The following SYNE2 variants were observed in gnomAD, a reference collection of about 807,000 sequenced individuals.
SYNE2 encodes nesprin-2.
SYNE2 carries 431 observed loss-of-function variants against 856.3 expected under a neutral mutation model. That is an observed-to-expected ratio of 0.50 (90% confidence interval 0.47 to 0.55). The LOEUF is 0.55. Ranked by LOEUF, SYNE2 falls within the 20% of genes least tolerant of loss-of-function variation. The pLI is 0.00. For synonymous variants in SYNE2, 2,923 were observed against 2,872.3 expected (o/e 1.02, Z -0.56); for missense variants, 8,129 against 8,023.2 (o/e 1.01, Z -0.50).
At chr14:63,910,469 G>C (rs922293444) in intron 2 of SYNE2, among the ~76,000 whole-genome samples, 2 of 152,154 alleles carry the variant, frequency 1.3e-5, no homozygotes, top group African/African-American at 4.8e-5. Context: ...GGTTATACTT[G>C]AGGTAAGAAT....
Position 64,162,168 on chromosome 14 carries a change from T to TGCCGCAAGGCTGAAGCA in SYNE2, c.16194_16210dup (p.Gln5404ProfsTer4), listed in dbSNP as rs1433068027. 6.2e-7 allele frequency: 1 copy of TGCCGCAAGGCTGAAGCA among 1,614,120 alleles called. No homozygotes were observed. Among genetic ancestry groups the TGCCGCAAGGCTGAAGCA allele is most frequent in the Non-Finnish European group, 8.5e-7 (1 of 1,180,040 alleles). On this transcript the variant is annotated frameshift_variant, in exon 88 of 116. Transcript: ENST00000555002. LOFTEE classifies it high-confidence loss of function. ...CCTATAGCAATGCTCATGGTGAAGC[T>TGCCGCAAGGCTGAAGCA]GCCGCAAGGCTGAAGCAGCAGGAAG...
At chr14:64,225,255 A>C in intron 115 of SYNE2, 64 bp from the exon 116 acceptor site, 1 of 1,611,776 alleles carries the variant, frequency 6.2e-7, no homozygotes, top group African/African-American at 1.3e-5. Flanking sequence ...GCAGGGGCTT[A>C]GGTAATAGAG....
chr14:63,803,931 C>T (rs555141548), intron 1 of SYNE2, among the ~76,000 whole-genome samples: 1 of 152,316 alleles, frequency 6.6e-6, no homozygotes, highest in Admixed American at 6.5e-5. Flanking sequence ...TTCCTCCTTG[C>T]TGTTTTCATG....
At chr14:63,837,717 C>G (rs1333896681) in intron 1 of SYNE2, among the ~76,000 whole-genome samples, 2 of 151,876 alleles carry the variant, frequency 1.3e-5, no homozygotes, top group East Asian at 3.9e-4. Context: ...GAGTTTGAGA[C>G]CAGCCTGGGC....
intron 1 of SYNE2, among the ~76,000 whole-genome samples, chr14:63,815,023 T>TATATCCATATATACATCCACATATAC (rs1888860825): frequency 6.9e-6 from 1 of 145,210 alleles, no homozygotes; most frequent in Non-Finnish European, 1.5e-5. Context: ...TACATCCATA[T>TATATCCATATATACATCCACATATAC]ATATCCATAT....
chr14:63,763,444 T>A (rs1298287624), intron 1 of SYNE2, among the ~76,000 whole-genome samples: 1 of 152,054 alleles, frequency 6.6e-6, no homozygotes, highest in African/African-American at 2.4e-5. Flanking sequence ...GTTTGGTGGG[T>A]CAGGCTTGTA....
At chr14:63,843,442 G>A (rs1442418690) in intron 1 of SYNE2, among the ~76,000 whole-genome samples, 1 of 152,138 alleles carries the variant, frequency 6.6e-6, no homozygotes, top group East Asian at 1.9e-4. Context: ...AATATCAGTA[G>A]ATGTAATTAA....
rs1414775950 is a variant in SYNE2 at position 63,909,153 on chromosome 14, C to T, written c.5C>T (p.Ala2Val). ...TAATCTCCATTGAGTCAAAGAATGG[C>T]ATCTAGTCCTGAGCTTCCCACCGAA... MASSPELPTEDE... is the reference protein window; with the variant it reads MVSSPELPTEDE... Residue 2 changes from alanine to valine, a missense_variant, in exon 2 of 116, where the codon GCA (alanine) becomes GTA (valine). Coordinates refer to ENST00000555002, the MANE Select transcript of SYNE2 (RefSeq NM_182914.3). The T allele has an allele frequency of 6.2e-7, 1 of 1,609,048 alleles. No individual in the cohort carries two copies. Among genetic ancestry groups the T allele is most frequent in the Non-Finnish European group, 8.5e-7 (1 of 1,175,716 alleles).
intron 1 of SYNE2, among the ~76,000 whole-genome samples, chr14:63,810,884 G>T (rs1888590003): frequency 6.6e-6 from 1 of 152,088 alleles, no homozygotes; most frequent in Non-Finnish European, 1.5e-5. Flanking sequence ...GCCCATGCTG[G>T]AGTGCAGTGG....
At chr14:64,088,213 C>T (rs1470171197) in intron 58 of SYNE2, among the ~76,000 whole-genome samples, 1 of 152,118 alleles carries the variant, frequency 6.6e-6, no homozygotes, top group Non-Finnish European at 1.5e-5. Context: ...TAACCAAGCA[C>T]TATACAACTA....
intron 66 of SYNE2, 51 bp downstream of exon 66, chr14:64,113,622 C>A: frequency 6.6e-7 from 1 of 1,524,536 alleles, no homozygotes; most frequent in Non-Finnish European, 8.9e-7. Flanking sequence ...CAATCATCTG[C>A]CAAGATTGGG....
intron 52 of SYNE2, among the ~76,000 whole-genome samples, chr14:64,071,381 C>CT (rs2097406002): frequency 6.6e-6 from 1 of 151,942 alleles, no homozygotes; most frequent in Non-Finnish European, 1.5e-5. Flanking sequence ...GTAGTCCCAG[C>CT]TACTCGGGAG....
In SYNE2 at chr14:64,142,211, T is replaced by G. The variant is rs1411232290; in HGVS notation, c.15306+123T>G. 5.3e-6 allele frequency: 6 copies of G among 1,142,562 alleles called. No individual in the cohort carries two copies. The East Asian group carries it at 1.3e-4, about 24-fold the overall frequency. 70.8% of individuals were successfully genotyped at this position (1,142,562 alleles called of 1,614,324 possible). A position where few individuals can be genotyped will look rare whatever the true frequency, so the allele number is the denominator to read the frequency against. On this transcript the variant is annotated intron_variant, in intron 82 of 115. Transcript: ENST00000555002. ...AAAACTAATTCTAGGGGTAGGAAAC[T>G]GGGGTGGTGGATGATTCTGGAGAGA...
chr14:64,222,111 C>T (rs868405743), intron 112 of SYNE2, among the ~76,000 whole-genome samples: 2 of 152,270 alleles, frequency 1.3e-5, no homozygotes, highest in South Asian at 2.1e-4. Flanking sequence ...GGAGGAGAGT[C>T]GTGTCCTGGT....
chr14:63,770,841 T>A (rs1886872131), intron 1 of SYNE2, among the ~76,000 whole-genome samples: 1 of 151,940 alleles, frequency 6.6e-6, no homozygotes, highest in African/African-American at 2.4e-5. Flanking sequence ...AAAAAAAATT[T>A]TAAATTCATC....
Position 63,964,000 on chromosome 14 carries a change from TGTAA to T in SYNE2, c.990+4_990+7del. ...ATGATACCTACTTTAAAAAGTATAATGTAAGTATGATTTTAAACAGCTGTTTGTA... is the reference window on the plus strand; with the variant it reads ...ATGATACCTACTTTAAAAAGTATAATGTATGATTTTAAACAGCTGTTTGTA... On this transcript the variant is annotated splice_donor_variant and splice_donor_region_variant and intron_variant, in intron 10 of 115. Transcript: ENST00000555002. LOFTEE classifies it high-confidence loss of function. The T allele has an allele frequency of 6.4e-7, 1 of 1,552,346 alleles. No homozygotes were observed. Among genetic ancestry groups the T allele is most frequent in the Non-Finnish European group, 8.9e-7 (1 of 1,125,472 alleles).
At chr14:64,139,547 G>A (rs777604446) in intron 79 of SYNE2, among the ~76,000 whole-genome samples, 16 of 152,172 alleles carry the variant, frequency 1.1e-4, no homozygotes, top group Admixed American at 3.3e-4. Flanking sequence ...GAGTAGCTGG[G>A]ACTACAGGCG....
intron 95 of SYNE2, 22 bp downstream of exon 95, chr14:64,175,160 C>G: frequency 1.2e-6 from 2 of 1,612,934 alleles, no homozygotes; most frequent in East Asian, 4.5e-5. Flanking sequence ...ACTTACTTTT[C>G]CATTCATGAT....
Position 64,143,817 on chromosome 14 carries a change from G to C in SYNE2, c.15352G>C (p.Val5118Leu), listed in dbSNP as rs1406937757. The C allele has an allele frequency of 1.2e-6, 2 of 1,614,148 alleles. No individual in the cohort carries two copies. Among genetic ancestry groups the C allele is most frequent in the Non-Finnish European group, 1.7e-6 (2 of 1,180,018 alleles). Residue 5118 changes from valine (V) to leucine (L), a missense_variant, in exon 83 of 116, where the codon GTT becomes CTT. This residue lies in a region of SYNE2 where 5,410 missense variants were observed against 5,284.8 expected (regional missense o/e 1.02). Transcript: ENST00000555002. ...CTATAAACAGTGGATAGTTGACTTC[G>C]TTAACCAGTCATTACTTCAGCTAAG... is the stretch of plus-strand genomic sequence containing the variant. ...MDYKQWIVDFVNQSLLQLSTC... is the reference protein window; with the variant it reads ...MDYKQWIVDFLNQSLLQLSTC...
Sources: allele counts gnomAD v4.1 joint callset (sites outside exome capture counted in the v4.1 genomes callset), GRCh38; gene constraint gnomAD v4.1.1; regional missense constraint gnomAD v4.1.1; transcripts MANE v1.5; gene names NCBI Gene and HGNC (gene_info 2026-07-23, HGNC 2026-07-21).